The following ASIC2 variants were observed in gnomAD, a reference collection of about 807,000 sequenced individuals.
The protein encoded by ASIC2 is acid sensing ion channel subunit 2, also known as acid-sensing ion channel 2.
In ASIC2, 25 loss-of-function variants were observed where a neutral mutation model predicts 57.3. The observed-to-expected ratio is 0.44, with a 90% CI of 0.32 to 0.61. The LOEUF (loss-of-function observed/expected upper bound fraction) is 0.61, where lower values mean the gene tolerates loss of function less well. Ranked by LOEUF, ASIC2 falls within the 20% of genes least tolerant of loss-of-function variation. The pLI is 0.06. For synonymous variants in ASIC2, 319 were observed against 307.5 expected, an observed-to-expected ratio of 1.04 and a Z score of -0.39; for missense variants, 641 against 738.1, an observed-to-expected ratio of 0.87 and a Z score of 1.52.
At chr17:33,124,979 G>T (rs1275690641) in intron 1 of ASIC2, among the ~76,000 whole-genome samples, 1 of 152,166 alleles carries the variant, frequency 6.6e-6, no homozygotes, top group African/African-American at 2.4e-5. Flanking sequence ...GCTCCTGTGA[G>T]AATCTAATGC....
rs910003020 is a variant in ASIC2 at position 33,814,536 on chromosome 17, C to T, written c.555+341442G>A. ...CAATGTTGCCATAAAATAATGTGCCCGTAAAAGACCTGGAAGATTTCTCTT... is the reference window on the plus strand; with the variant it reads ...CAATGTTGCCATAAAATAATGTGCCTGTAAAAGACCTGGAAGATTTCTCTT... On this transcript the variant is annotated intron_variant, in intron 1 of 9. Transcript: ENST00000359872. 7.9e-5 allele frequency among the ~76,000 whole-genome samples: 12 copies of T among 152,244 alleles called. No homozygotes were observed. The South Asian group carries it at 1.9e-3, about 24-fold the overall frequency.
chr17:33,037,764 G>C, intron 3 of ASIC2, among the ~76,000 whole-genome samples: 1 of 152,182 alleles, frequency 6.6e-6, no homozygotes, highest in South Asian at 2.1e-4. Context: ...CACTGTGGTA[G>C]GTAGGCACAT....
rs538778830 is a variant in ASIC2, at chr17:33,999,866, C to A, written c.555+156112G>T. Among the ~76,000 whole-genome samples, 40 of 152,128 alleles carry A rather than the reference C, an allele frequency of 2.6e-4. No homozygotes were observed. In the South Asian group the frequency reaches 7.7e-3, roughly 29 times the overall value. Reference sequence around the variant, plus strand: ...ACCTTTACAGTGAGTTTTAAACTTTCATGTTTTTATGCTGTTAATGTCCTT... The same window carrying A: ...ACCTTTACAGTGAGTTTTAAACTTTAATGTTTTTATGCTGTTAATGTCCTT... On this transcript the variant is annotated intron_variant, in intron 1 of 9. Transcript: ENST00000359872.
chr17:33,779,967 C>CTTTTTTTTTTTT (rs759850922), intron 1 of ASIC2, among the ~76,000 whole-genome samples: 10 of 85,186 alleles, frequency 1.2e-4, no homozygotes, highest in Non-Finnish European at 1.7e-4. Flanking sequence ...CTACAGAAGC[C>CTTTTTTTTTTTT]TTTTTTTTTT....
intron 1 of ASIC2, among the ~76,000 whole-genome samples, chr17:34,067,047 C>G (rs1909198518): frequency 6.6e-6 from 1 of 152,216 alleles, no homozygotes; most frequent in Non-Finnish European, 1.5e-5. Flanking sequence ...GTCCTCTTCT[C>G]CTGGGTTATG....
intron 1 of ASIC2, among the ~76,000 whole-genome samples, chr17:33,197,867 A>C (rs1906699459): frequency 6.6e-6 from 1 of 152,156 alleles, no homozygotes; most frequent in African/African-American, 2.4e-5. Context: ...GAATGATAGA[A>C]TGTATTTAAT....
At chr17:33,357,603 A>G (rs1004662669) in intron 1 of ASIC2, among the ~76,000 whole-genome samples, 2 of 152,112 alleles carry the variant, frequency 1.3e-5, no homozygotes, top group Admixed American at 6.5e-5. Context: ...TTTGGAATGC[A>G]GTGGGAGTGA....
chr17:33,570,118 G>A (rs1567653939), intron 1 of ASIC2, among the ~76,000 whole-genome samples: 2 of 152,044 alleles, frequency 1.3e-5, no homozygotes, highest in Non-Finnish European at 1.5e-5. Context: ...CTGTCTCCTG[G>A]GTGATCTACC....
chr17:33,664,305 A>G (rs923459400), intron 1 of ASIC2, among the ~76,000 whole-genome samples: 2 of 152,344 alleles, frequency 1.3e-5, no homozygotes, highest in East Asian at 1.9e-4. Context: ...CTGGCCAGCC[A>G]GTCAAAGTGA....
chr17:33,131,071 T>C (rs1454238945), intron 1 of ASIC2, among the ~76,000 whole-genome samples: 1 of 152,182 alleles, frequency 6.6e-6, no homozygotes, highest in Admixed American at 6.5e-5. Context: ...TGTGGGCACC[T>C]GGCATAGAGC....
At chr17:33,410,255 C>T (rs1016416350) in intron 1 of ASIC2, among the ~76,000 whole-genome samples, 4 of 152,112 alleles carry the variant, frequency 2.6e-5, no homozygotes, top group African/African-American at 9.7e-5. Flanking sequence ...GAAATCACAG[C>T]CCCGGAACAT....
At chr17:34,059,115 A>T (rs1334672068) in intron 1 of ASIC2, among the ~76,000 whole-genome samples, 1 of 152,186 alleles carries the variant, frequency 6.6e-6, no homozygotes, top group Admixed American at 6.5e-5. Flanking sequence ...AAGAGGACCC[A>T]CAGACCCTCT....
chr17:33,712,659 T>C (rs1909080775), intron 1 of ASIC2, among the ~76,000 whole-genome samples: 1 of 141,568 alleles, frequency 7.1e-6, no homozygotes, highest in Non-Finnish European at 1.5e-5. Context: ...TTTTTTTTTT[T>C]TTTTGAGACG....
At chr17:33,827,625 T>A (rs1912972613) in intron 1 of ASIC2, 2 of 151,404 alleles carry the variant, frequency 1.3e-5, no homozygotes, top group Non-Finnish European at 2.9e-5. Context: ...ATTACAGGTG[T>A]AAGCCACAGA....
At chr17:33,879,819 A>G (rs1478981521) in intron 1 of ASIC2, among the ~76,000 whole-genome samples, 2 of 152,224 alleles carry the variant, frequency 1.3e-5, no homozygotes, top group East Asian at 3.8e-4. Context: ...TCAGCACCAC[A>G]CCACACCTAT....
chr17:34,094,516 G>A (rs1910449845), intron 1 of ASIC2, among the ~76,000 whole-genome samples: 1 of 152,220 alleles, frequency 6.6e-6, no homozygotes, highest in Non-Finnish European at 1.5e-5. Context: ...AGATGAGGAT[G>A]ATACATGGGA....
At chr17:33,217,534 T>C (rs1907541756) in intron 1 of ASIC2, among the ~76,000 whole-genome samples, 1 of 152,156 alleles carries the variant, frequency 6.6e-6, no homozygotes, top group South Asian at 2.1e-4. Flanking sequence ...ACTTGCCCTT[T>C]CCCATAGGCT....
chr17:33,388,169 TTGAAG>T (rs1909760624), intron 1 of ASIC2, among the ~76,000 whole-genome samples: 1 of 151,992 alleles, frequency 6.6e-6, no homozygotes, highest in Admixed American at 6.5e-5. Flanking sequence ...CTGAGGCAGA[TTGAAG>T]TGATGTGGCC....
At chr17:33,455,130 A>G (rs1391299048) in intron 1 of ASIC2, among the ~76,000 whole-genome samples, 1 of 152,222 alleles carries the variant, frequency 6.6e-6, no homozygotes, top group Non-Finnish European at 1.5e-5. Flanking sequence ...GTCTTACAGG[A>G]TAGCACTGTG....
Sources: allele counts gnomAD v4.1 joint callset (sites outside exome capture counted in the v4.1 genomes callset), GRCh38; gene constraint gnomAD v4.1.1; transcripts MANE v1.5; gene names NCBI Gene and HGNC (gene_info 2026-07-23, HGNC 2026-07-21).